The following SLC22A8 variants were observed in gnomAD, a reference collection of about 807,000 sequenced individuals.
SLC22A8 encodes the protein organic anion transporter 3.
In SLC22A8, 40 loss-of-function variants were observed where a neutral mutation model predicts 48.4. The ratio of observed to expected loss-of-function variants is 0.83; its 90% CI spans 0.64 to 1.08. The LOEUF is 1.08. Among genes scored for constraint, SLC22A8 ranks in the 50% least tolerant of loss-of-function variants. SLC22A8 has a pLI of 0.00. For synonymous variants in SLC22A8, 268 were observed against 286.3 expected, an observed-to-expected ratio of 0.94 and a Z score of 0.65; for missense variants, 606 against 699.0, an observed-to-expected ratio of 0.87 and a Z score of 1.50.
intron 5 of SLC22A8, among the ~76,000 whole-genome samples, chr11:62,997,056 A>T (rs1240385378): frequency 2.6e-5 from 4 of 152,144 alleles, no homozygotes; most frequent in Admixed American, 2.6e-4. Flanking sequence ...TACCAAGATT[A>T]TCAGTGACTT....
In SLC22A8 at chr11:62,995,698, G is replaced by C. The variant is rs1381934695; in HGVS notation, c.1001+6C>G. On this transcript the variant is annotated splice_donor_region_variant and intron_variant, in intron 7 of 10. Transcript: ENST00000336232. The stretch of plus-strand genomic sequence containing the variant: ...GGCAGGGTGTGGGCAGGGAGAGGGG[G>C]GTTACCAGGCCAGGGAAAGACAGAA... 6.2e-7 allele frequency: 1 copy of C among 1,606,234 alleles called. No individual in the cohort carries two copies.
chr11:62,993,417 G>C lies in SLC22A8; in HGVS notation c.1529+7C>G. 6.2e-7 allele frequency: 1 copy of C among 1,613,994 alleles called. No homozygotes were observed. The highest frequency in any genetic ancestry group is 8.5e-7 in the Non-Finnish European group (1 of 1,179,840). On this transcript the variant is annotated splice_region_variant and intron_variant, in intron 10 of 10. Transcript: ENST00000336232. ...GAGCACTGATGGGGCCAGAGGCAGT[G>C]ACTGACCAGTTTTCCAGGTCTTCGA... is the stretch of plus-strand genomic sequence containing the variant.
At chr11:62,999,869 A>G (rs1590692805) in intron 3 of SLC22A8, 27 bp from the exon 4 acceptor site, 11 of 1,457,830 alleles carry the variant, frequency 7.5e-6, no homozygotes, top group South Asian at 1.5e-5. Flanking sequence ...AGGAGGGGCC[A>G]GGTTAGCCAC....
intron 7 of SLC22A8, 75 bp downstream of exon 7, chr11:62,995,629 C>G: frequency 9.5e-7 from 1 of 1,054,438 alleles, no homozygotes; most frequent in South Asian, 1.3e-5. Flanking sequence ...TAGGCCTTGC[C>G]CTTAAGTGAG....
chr11:62,996,908 C>A (rs2086427650), intron 5 of SLC22A8, among the ~76,000 whole-genome samples: 1 of 152,250 alleles, frequency 6.6e-6, no homozygotes, highest in African/African-American at 2.4e-5. Context: ...GCTGTAGCCC[C>A]TGTGGGTGAC....
chr11:62,995,015 A>G, intron 7 of SLC22A8: 1 of 533,544 alleles, frequency 1.9e-6, no homozygotes, highest in East Asian at 3.3e-5. Context: ...CTGACTCTAG[A>G]GAAGATCAGG....
chr11:62,996,239 G>T, intron 5 of SLC22A8, 87 bp from the exon 6 acceptor site: 3 of 1,356,856 alleles, frequency 2.2e-6, no homozygotes, highest in Non-Finnish European at 3.0e-6. Flanking sequence ...CCAGGGCCAA[G>T]GGGTAGGAGG....
chr11:63,012,309 C>T lies in SLC22A8; in HGVS notation c.333+2317G>A, dbSNP rs1189501972. Among the ~76,000 whole-genome samples the T allele has an allele frequency of 1.3e-5, 2 of 151,742 alleles. 1 individual carries two copies. Among genetic ancestry groups the T allele is most frequent in the African/African-American group, 4.8e-5 (2 of 41,324 alleles). ...CCCGGCCTTTCTTCTTGCTTCTGTG[C>T]CTTTGCATTTGACCCTCCTTCCCCG... On this transcript the variant is annotated intron_variant, in intron 2 of 10. Coordinates refer to ENST00000336232, the MANE Select transcript of SLC22A8 (RefSeq NM_004254.4).
At chr11:63,002,923 C>T (rs2086514345) in intron 2 of SLC22A8, among the ~76,000 whole-genome samples, 1 of 152,128 alleles carries the variant, frequency 6.6e-6, no homozygotes, top group Admixed American at 6.6e-5. Context: ...GAACCTGAGG[C>T]CCAGATGAGG....
intron 2 of SLC22A8, among the ~76,000 whole-genome samples, chr11:63,006,347 C>T (rs746708297): frequency 2.0e-4 from 31 of 152,190 alleles, no homozygotes; most frequent in Non-Finnish European, 4.1e-4. Context: ...ATGTCAATAT[C>T]GTCTTTTTGG....
chr11:63,004,194 G>A (rs2086529789), intron 2 of SLC22A8, among the ~76,000 whole-genome samples: 1 of 152,192 alleles, frequency 6.6e-6, no homozygotes. Context: ...GATCATGTAG[G>A]CTTTAGAATA....
chr11:62,993,695 A>T (rs923122991), intron 9 of SLC22A8, 68 bp from the exon 10 acceptor site: 6 of 1,596,786 alleles, frequency 3.8e-6, no homozygotes, highest in African/African-American at 2.7e-5. Flanking sequence ...TCCCCTGGGT[A>T]GAGGACAGGA....
At position 62,995,749 on chromosome 11, in the gene SLC22A8, C is replaced by T. The variant is rs762028161; in HGVS notation, c.956G>A (p.Arg319Gln). 9.9e-5 allele frequency: 159 copies of T among 1,614,008 alleles called. No homozygotes were observed. The South Asian group carries it at 1.1e-3, about 11-fold the overall frequency. Residue 319 changes from arginine to glutamine, a missense_variant, in exon 7 of 11, where the codon CGG becomes CAG. Physicochemically the swap from Arg to Gln is conservative, Grantham distance 43. Coordinates refer to ENST00000336232, the MANE Select transcript of SLC22A8 (RefSeq NM_004254.4). ...GGTCATGCGGCGCAGCATGGGTATC[C>T]GGAACAGGTCACTTGCGGTGTACTT... ...KAKYTASDLF[R>Q]IPMLRRMTFC...
At chr11:63,004,103 C>G (rs920612159) in intron 2 of SLC22A8, among the ~76,000 whole-genome samples, 2 of 152,182 alleles carry the variant, frequency 1.3e-5, no homozygotes, top group African/African-American at 2.4e-5. Context: ...GTCAGACCTG[C>G]TTGGAAGGTT....
In SLC22A8 at chr11:62,993,289, G is replaced by T. The variant is rs141775478; in HGVS notation, c.1577C>A (p.Ala526Asp). ...AGGCTGTAGAGGGATCCTCTGGGAG[G>T]CCTTTTCCACCTCTGGCTCCTGCTT... ...KPKQEPEVEK[A>D]SQRIPLQPHG... The change falls in exon 11 of 11, where the codon GCC becomes GAC. Residue 526 changes from alanine (A) to aspartate (D), a missense_variant. Physicochemically the swap from Ala to Asp is moderately radical, Grantham distance 126. Coordinates refer to ENST00000336232, the MANE Select transcript of SLC22A8 (RefSeq NM_004254.4). The T allele has an allele frequency of 1.9e-6, 3 of 1,613,542 alleles. No homozygotes were observed. The African/African-American group carries it at 4.0e-5, about 22-fold the overall frequency.
chr11:63,004,545 A>AAGATTTAC (rs2086533513), intron 2 of SLC22A8, among the ~76,000 whole-genome samples: 1 of 152,122 alleles, frequency 6.6e-6, no homozygotes, highest in Non-Finnish European at 1.5e-5. Context: ...TCTTTGCTCA[A>AAGATTTAC]ATGTTATCTT....
At position 63,014,723 on chromosome 11, in the gene SLC22A8, G is replaced by A. The variant is rs554839332; in HGVS notation, c.236C>T (p.Pro79Leu). 21 of 1,614,110 alleles carry A rather than the reference G, an allele frequency of 1.3e-5. No homozygotes were observed. Among genetic ancestry groups the A allele is most frequent in the African/African-American group, 5.3e-5 (4 of 75,036 alleles). The stretch of plus-strand genomic sequence containing the variant: ...GTCATTGGGCAGGCTGGCATTGGGC[G>A]GATGTACAAAACGGAGGCACCTCTC... ...KPERCLRFVH[P>L]PNASLPNDTQ... is the part of the protein sequence containing the mutation. Residue 79 changes from proline (P) to leucine (L), a missense_variant, in exon 2 of 11, where the codon CCG becomes CTG. Physicochemically the swap from Pro to Leu is moderately conservative, Grantham distance 98. Transcript: ENST00000336232.
chr11:63,015,060 G>T, intron 1 of SLC22A8, 77 bp from the exon 2 acceptor site: 1 of 945,570 alleles, frequency 1.1e-6, no homozygotes, highest in South Asian at 1.8e-5. Flanking sequence ...ATATGTGGGA[G>T]GGTGAACCAG....
intron 2 of SLC22A8, among the ~76,000 whole-genome samples, chr11:63,012,571 A>C (rs545156814): frequency 1.3e-5 from 2 of 152,142 alleles, no homozygotes; most frequent in African/African-American, 4.8e-5. Context: ...TCCTCACTCC[A>C]GGCTGGTTAG....
Sources: gnomAD v4.1 joint callset for allele counts (sites outside exome capture counted in the v4.1 genomes callset) on GRCh38, gnomAD v4.1.1 for gene constraint, MANE v1.5 for transcripts, NCBI Gene and HGNC (gene_info 2026-07-23, HGNC 2026-07-21) for gene names.